The following ALS2CL variants were observed in gnomAD, a reference collection of about 807,000 sequenced individuals.
The protein encoded by ALS2CL is ALS2 C-terminal-like protein.
ALS2CL carries 112 observed loss-of-function variants against 127.9 expected under a neutral mutation model. The ratio of observed to expected loss-of-function variants is 0.88; its 90% confidence interval spans 0.75 to 1.02. ALS2CL has a LOEUF of 1.02. Ranked by LOEUF, ALS2CL falls within the 50% of genes least tolerant of loss-of-function variation. ALS2CL has a pLI of 0.00. For missense variants in ALS2CL, 1,174 were observed against 1,236.7 expected (o/e 0.95, Z 0.76); for synonymous variants, 519 against 527.6 (o/e 0.98, Z 0.22).
At chr3:46,678,498 T>G (rs1384230123) in intron 15 of ALS2CL, 109 bp from the exon 16 acceptor site, 7 of 1,392,148 alleles carry the variant, frequency 5.0e-6, no homozygotes, top group Non-Finnish European at 6.7e-6. Context: ...TAAGGACTAA[T>G]GAATGGGCTT....
intron 13 of ALS2CL, 73 bp from the exon 14 acceptor site, chr3:46,680,614 C>T (rs551756754): frequency 1.4e-5 from 20 of 1,420,868 alleles, no homozygotes; most frequent in Middle Eastern, 1.7e-4. Context: ...TCTGCTGGCA[C>T]GGGGCGGCAG....
intron 14 of ALS2CL, chr3:46,679,593 A>T (rs1699157272): frequency 4.8e-6 from 1 of 207,470 alleles, no homozygotes; most frequent in Admixed American, 5.8e-5. Context: ...TCTCTGAAAC[A>T]TCCCTGCTTC....
At chr3:46,691,978 A>G (rs974046546) in intron 1 of ALS2CL, among the ~76,000 whole-genome samples, 3 of 152,048 alleles carry the variant, frequency 2.0e-5, no homozygotes, top group Non-Finnish European at 2.9e-5. Flanking sequence ...AAAGCAGCCT[A>G]TGACTCCGGG....
At chr3:46,678,536 C>T in intron 15 of ALS2CL, 147 bp from the exon 16 acceptor site, 1 of 1,128,520 alleles carries the variant, frequency 8.9e-7, no homozygotes, top group Non-Finnish European at 1.2e-6. Context: ...CTGCTCCATG[C>T]TGAGGGGTTC....
chr3:46,686,326 G>T lies in ALS2CL; in HGVS notation c.648C>A (p.Thr216=), dbSNP rs765563549. The change falls in exon 6 of 26, where the codon ACC becomes ACA. Residue 216 remains threonine (T), a synonymous_variant. Transcript: ENST00000318962. This position sits in a 1 kb window ranked among gnomAD's most constrained non-coding sequence, Gnocchi z 4.3. ...AACTCACCCTCAGCCGGCCTCTCAG[G>T]GTGTGCCAGAGAGCCTGTGTGGCCA... ...QAVATQALWH[T]LRGRLRDVLC... 4.3e-6 allele frequency: 7 copies of T among 1,612,152 alleles called. No homozygotes were observed. In the South Asian group the frequency reaches 4.4e-5, roughly 10 times the overall value.
intron 16 of ALS2CL, 123 bp from the exon 17 acceptor site, chr3:46,677,145 G>T (rs1698918369): frequency 1.4e-6 from 2 of 1,473,084 alleles, no homozygotes; most frequent in African/African-American, 2.8e-5. Flanking sequence ...GCCCCAAGAA[G>T]GGTGGATGGA....
chr3:46,692,127 G>A (rs1700194216), intron 1 of ALS2CL, among the ~76,000 whole-genome samples: 1 of 152,196 alleles, frequency 6.6e-6, no homozygotes, highest in Admixed American at 6.5e-5. Context: ...GGCTGGTGAG[G>A]CAGTGGGTTG....
chr3:46,681,002 AG>A lies in ALS2CL; in HGVS notation c.1436+243del. Reference sequence around the variant, plus strand: ...CTGCAGTTTTTAGACGTGACAGAGCAGGGGGTCAGAAATGCCTCTCCAACAC... The same window carrying A: ...CTGCAGTTTTTAGACGTGACAGAGCAGGGGTCAGAAATGCCTCTCCAACAC... On this transcript the variant is annotated intron_variant, in intron 13 of 25. Coordinates refer to ENST00000318962, the MANE Select transcript of ALS2CL (RefSeq NM_147129.5). This position sits in a 1 kb window ranked among gnomAD's most constrained non-coding sequence, Gnocchi z 4.9. The A allele has an allele frequency of 1.6e-6, 1 of 623,330 alleles. No individual in the cohort carries two copies. Among genetic ancestry groups the A allele is most frequent in the East Asian group, 2.8e-5 (1 of 36,002 alleles). The allele number at this position is 623,330 out of a possible 1,614,324, so 38.6% of individuals were successfully genotyped here.
chr3:46,678,000 C>CAAAAAA (rs527464518), intron 16 of ALS2CL, among the ~76,000 whole-genome samples: 1 of 129,800 alleles, frequency 7.7e-6, no homozygotes, highest in African/African-American at 2.9e-5. Context: ...CCTTTCGAGA[C>CAAAAAA]AAAAAAAAAA....
At position 46,681,881 on chromosome 3, in the gene ALS2CL, A is replaced by G; in HGVS notation, c.1175+148T>C. The G allele has an allele frequency of 9.6e-7, 1 of 1,046,284 alleles. No individual in the cohort carries two copies. The highest frequency in any genetic ancestry group is 1.4e-6 in the Non-Finnish European group (1 of 711,978). The allele number at this position is 1,046,284 out of a possible 1,614,324, so 64.8% of individuals were successfully genotyped here. ...CAGGCCCCCGGTTCCCCTTTGGTACAGTGGGCGGGGGCTGGACCGGATTGT... is the reference window on the plus strand; with the variant it reads ...CAGGCCCCCGGTTCCCCTTTGGTACGGTGGGCGGGGGCTGGACCGGATTGT... On this transcript the variant is annotated intron_variant, in intron 11 of 25. Transcript: ENST00000318962. This position sits in a 1 kb window ranked among gnomAD's most constrained non-coding sequence, Gnocchi z 4.9.
chr3:46,683,130 T>C lies in ALS2CL; in HGVS notation c.1109A>G (p.Lys370Arg). 6.4e-7 allele frequency: 1 copy of C among 1,558,514 alleles called. No individual in the cohort carries two copies. Among genetic ancestry groups the C allele is most frequent in the South Asian group, 1.2e-5 (1 of 82,386 alleles). The change falls in exon 10 of 26, where the codon AAG becomes AGG. Residue 370 changes from lysine to arginine, a missense_variant and splice_region_variant. Coordinates refer to ENST00000318962, the MANE Select transcript of ALS2CL (RefSeq NM_147129.5). ...GEWCRGRPHG[K>R]GTLKWPDGRN... ...GCCACCCAGAGCTCCAGCCACTCAC[T>C]TGCCGTGGGGCCGGCCCCTGCACCA...
chr3:46,686,974 G>T lies in ALS2CL; in HGVS notation c.534+9C>A. On this transcript the variant is annotated intron_variant, in intron 5 of 25. Transcript: ENST00000318962. This position sits in a 1 kb window ranked among gnomAD's most constrained non-coding sequence, Gnocchi z 4.3. Reference sequence around the variant, plus strand: ...GGCTTCCCCACATGCTGCTGCCCCTGGTACCCACCTCCCCAATGGTGTCCC... The same window carrying T: ...GGCTTCCCCACATGCTGCTGCCCCTTGTACCCACCTCCCCAATGGTGTCCC... The T allele has an allele frequency of 6.3e-7, 1 of 1,581,164 alleles. No homozygotes were observed. Among genetic ancestry groups the T allele is most frequent in the Non-Finnish European group, 8.6e-7 (1 of 1,167,622 alleles).
At chr3:46,679,941 T>G in intron 14 of ALS2CL, 1 of 160,462 alleles carries the variant, frequency 6.2e-6, no homozygotes, top group Non-Finnish European at 1.4e-5. Context: ...AGGGTGTGAG[T>G]GTCAGCTCTG....
chr3:46,684,708 T>C (rs905106162), intron 7 of ALS2CL, among the ~76,000 whole-genome samples: 1 of 152,110 alleles, frequency 6.6e-6, no homozygotes, highest in African/African-American at 2.4e-5. Flanking sequence ...CACAACAGCA[T>C]GTGCAAAGGT....
Position 46,674,727 on chromosome 3 carries a change from C to A in ALS2CL, c.2268G>T (p.Val756=). ...GCATGAGGGGCAGCACCAATCCATG[C>A]ACCTGGAGGTCCCTGATGGGGAGAC... ...DEDTETRDLQ[V]HGLVLPLMLP... is the part of the protein sequence containing the mutation. Residue 756 remains valine, a synonymous_variant, in exon 21 of 26, where the codon GTG becomes GTT. Coordinates refer to ENST00000318962, the MANE Select transcript of ALS2CL (RefSeq NM_147129.5). 6.2e-7 allele frequency: 1 copy of A among 1,610,638 alleles called. No individual in the cohort carries two copies. The highest frequency in any genetic ancestry group is 1.1e-5 in the South Asian group (1 of 90,454).
Position 46,682,094 on chromosome 3 carries a change from C to T in ALS2CL, c.1110G>A (p.Lys370=), listed in dbSNP as rs1476144577. The part of the protein sequence containing the change: ...GEWCRGRPHG[K]GTLKWPDGRN... ...GCCCATCCGGCCATTTCAGGGTTCC[C>T]CTGGAACACAGTGGAGGTTCACGAG... Residue 370 remains lysine, a splice_region_variant and synonymous_variant, in exon 11 of 26, where the codon AAG becomes AAA. Coordinates refer to ENST00000318962, the MANE Select transcript of ALS2CL (RefSeq NM_147129.5). The T allele has an allele frequency of 1.2e-6, 2 of 1,613,766 alleles. No homozygotes were observed. Among genetic ancestry groups the T allele is most frequent in the East Asian group, 2.2e-5 (1 of 44,878 alleles).
chr3:46,684,472 T>C (rs1488346981), intron 7 of ALS2CL, among the ~76,000 whole-genome samples: 2 of 152,204 alleles, frequency 1.3e-5, no homozygotes, highest in African/African-American at 2.4e-5. Flanking sequence ...CTCCTCACTG[T>C]GAACTTTTGC....
In ALS2CL at chr3:46,674,677, A is replaced by G. The variant is rs1698668364; in HGVS notation, c.2318T>C (p.Phe773Ser). The change falls in exon 21 of 26, where the codon TTC becomes TCC. Residue 773 changes from phenylalanine (F) to serine (S), a missense_variant. Phe to Ser is a radical substitution (Grantham distance 155). Coordinates refer to ENST00000318962, the MANE Select transcript of ALS2CL (RefSeq NM_147129.5). ...CTCATGAAGCAGCAGGTAGAGCGTGAAGAGCTCTGAGTAGAAGCTGGGCAG... is the reference window on the plus strand; with the variant it reads ...CTCATGAAGCAGCAGGTAGAGCGTGGAGAGCTCTGAGTAGAAGCTGGGCAG... The part of the protein sequence containing the change: ...LMLPSFYSEL[F>S]TLYLLLHERE... The G allele has an allele frequency of 6.2e-7, 1 of 1,614,012 alleles. No individual in the cohort carries two copies. The highest frequency in any genetic ancestry group is 8.5e-7 in the Non-Finnish European group (1 of 1,180,018).
chr3:46,675,470 C>T, intron 20 of ALS2CL, 148 bp downstream of exon 20: 1 of 751,880 alleles, frequency 1.3e-6, no homozygotes, highest in Non-Finnish European at 2.2e-6. Flanking sequence ...CATTCTAATC[C>T]ACAAACGATC....
Sources: gnomAD v4.1 joint callset for allele counts (sites outside exome capture counted in the v4.1 genomes callset) on GRCh38, gnomAD v4.1.1 for gene constraint, Gnocchi (gnomAD v3.1) non-coding constraint, MANE v1.5 for transcripts, NCBI Gene and HGNC (gene_info 2026-07-23, HGNC 2026-07-21) for gene names.